The following NTM variants were observed in gnomAD, a reference collection of about 807,000 sequenced individuals.
NTM encodes IgLON family member 2.
A neutral mutation model predicts 42.1 loss-of-function variants in NTM; 13 were observed. The ratio of observed to expected loss-of-function variants is 0.31; its 90% confidence interval spans 0.20 to 0.49. The LOEUF is 0.49. NTM is among the 20% of genes least tolerant of loss of function. The pLI, the probability that NTM is intolerant of heterozygous loss-of-function variation, is 0.99. For synonymous variants in NTM, 187 were observed against 179.2 expected (o/e 1.04, Z -0.35); for missense variants, 373 against 452.8 (o/e 0.82, Z 1.60).
At chr11:131,711,173 T>G (rs1456785762) in intron 1 of NTM, among the ~76,000 whole-genome samples, 2 of 152,118 alleles carry the variant, frequency 1.3e-5, no homozygotes, top group Non-Finnish European at 2.9e-5. Context: ...CAAAAGAAAC[T>G]ACCATCAGAG....
intron 4 of NTM, among the ~76,000 whole-genome samples, chr11:132,288,525 C>T (rs749360160): frequency 1.6e-4 from 24 of 152,330 alleles, no homozygotes; most frequent in Admixed American, 3.9e-4. Context: ...TTGAACTGAA[C>T]GGAATACACA....
At chr11:131,581,230 C>T (rs2058381625) in intron 1 of NTM, among the ~76,000 whole-genome samples, 1 of 152,238 alleles carries the variant, frequency 6.6e-6, no homozygotes, top group African/African-American at 2.4e-5. Context: ...GTCTTCCTGG[C>T]TCCTGACTAG....
intron 4 of NTM, among the ~76,000 whole-genome samples, chr11:132,280,061 C>G (rs1228927776): frequency 6.6e-6 from 1 of 152,198 alleles, no homozygotes; most frequent in Non-Finnish European, 1.5e-5. Context: ...TTCAGAACAT[C>G]AGCGTTGAAT....
intron 2 of NTM, among the ~76,000 whole-genome samples, chr11:131,969,578 C>T (rs1295627849): frequency 6.6e-6 from 1 of 152,136 alleles, no homozygotes; most frequent in African/African-American, 2.4e-5. Context: ...GGATTAGCCA[C>T]ATAATAGATG....
rs1565465186 is a variant in NTM, at chr11:131,401,812, A to ATATATATATATATATGTG, written c.82+30939_82+30940insGTGTATATATATATATAT. On this transcript the variant is annotated intron_variant, in intron 1 of 8. Coordinates refer to ENST00000683400, the MANE Select transcript of NTM (RefSeq NM_001352005.2). ...CAGGCCACTGGAAATATATATATAT[A>ATATATATATATATATGTG]TATATATATATATATATATATATAT... Among the ~76,000 whole-genome samples, 183 of 21,608 alleles carry ATATATATATATATATGTG rather than the reference A, an allele frequency of 8.5e-3. 21 individuals carry two copies. Among genetic ancestry groups the ATATATATATATATATGTG allele is most frequent in the Middle Eastern group, 0.017 (1 of 60 alleles). The allele number at this position is 21,608 out of a possible 152,430, so 14.2% of individuals were successfully genotyped here.
Position 132,146,835 on chromosome 11 carries a change from T to C in NTM, c.400+321T>C, listed in dbSNP as rs1229320517. The C allele has an allele frequency of 1.1e-5, 4 of 349,986 alleles. 1 individual carries two copies. Among genetic ancestry groups the C allele is most frequent in the African/African-American group, 6.4e-5 (3 of 47,144 alleles). The allele number at this position is 349,986 out of a possible 1,614,324, so 21.7% of individuals were successfully genotyped here. On this transcript the variant is annotated intron_variant, in intron 3 of 8. Coordinates refer to ENST00000683400, the MANE Select transcript of NTM (RefSeq NM_001352005.2). This position sits in a 1 kb window ranked among gnomAD's most constrained non-coding sequence, Gnocchi z 4.5. Reference sequence around the variant, plus strand: ...TTGTTTGTTTGTTTTTTGTTTTGTTTTGTTTTGTTTTTTAGATTTCATCCA... The same window carrying C: ...TTGTTTGTTTGTTTTTTGTTTTGTTCTGTTTTGTTTTTTAGATTTCATCCA...
At chr11:132,190,722 G>A (rs2079167732) in intron 3 of NTM, among the ~76,000 whole-genome samples, 1 of 142,670 alleles carries the variant, frequency 7.0e-6, no homozygotes. Flanking sequence ...GGGTGACAGA[G>A]TGAGAATCCA....
chr11:131,965,186 A>G (rs922873408), intron 2 of NTM, among the ~76,000 whole-genome samples: 6 of 152,162 alleles, frequency 3.9e-5, no homozygotes, highest in Non-Finnish European at 8.8e-5. Flanking sequence ...ACAGAGGAGA[A>G]AGAGTATCAG....
rs142550827 is a variant in NTM at position 132,232,206 on chromosome 11, C to CGAGGA, written c.526+20060_526+20064dup. Among the ~76,000 whole-genome samples, 1,493 of 152,198 alleles carry CGAGGA rather than the reference C, an allele frequency of 9.8e-3. 18 individuals carry two copies. Among genetic ancestry groups the CGAGGA allele is most frequent in the African/African-American group, 0.034 (1,396 of 41,516 alleles). ...TATTGACTATAAACTTCCCACTGTG[C>CGAGGA]GAGGAAAGGAAAGGAGGTGCTTGCC... On this transcript the variant is annotated intron_variant, in intron 4 of 8. Coordinates refer to ENST00000683400, the MANE Select transcript of NTM (RefSeq NM_001352005.2).
At chr11:132,274,584 T>C (rs2093633263) in intron 4 of NTM, among the ~76,000 whole-genome samples, 1 of 152,164 alleles carries the variant, frequency 6.6e-6, no homozygotes, top group Admixed American at 6.5e-5. Context: ...TTCTCGATTA[T>C]TTTTCTGTTA....
chr11:131,849,902 C>T (rs187409080), intron 1 of NTM, among the ~76,000 whole-genome samples: 50 of 151,570 alleles, frequency 3.3e-4, no homozygotes, highest in African/African-American at 1.2e-3. Flanking sequence ...AGCACACCAA[C>T]ATGGCACATG....
intron 1 of NTM, among the ~76,000 whole-genome samples, chr11:131,549,078 A>C (rs2054309514): frequency 6.6e-6 from 1 of 152,114 alleles, no homozygotes; most frequent in South Asian, 2.1e-4. Flanking sequence ...CCTCATCTCC[A>C]CCATTTACTA....
intron 1 of NTM, among the ~76,000 whole-genome samples, chr11:131,653,823 A>T (rs1157341501): frequency 6.6e-6 from 1 of 152,152 alleles, no homozygotes; most frequent in African/African-American, 2.4e-5. Flanking sequence ...ACCAGGATAC[A>T]TTGGTGATAA....
chr11:131,762,712 T>G (rs911683245), intron 1 of NTM, among the ~76,000 whole-genome samples: 16 of 152,190 alleles, frequency 1.1e-4, no homozygotes, highest in Non-Finnish European at 2.1e-4. Flanking sequence ...TTCTCCCCAA[T>G]AGACTGCTCC....
intron 1 of NTM, among the ~76,000 whole-genome samples, chr11:131,813,001 A>G (rs544871798): frequency 3.9e-5 from 6 of 152,242 alleles, no homozygotes; most frequent in Admixed American, 2.6e-4. Context: ...TTTTATGACA[A>G]CGTTTCAGTT....
intron 1 of NTM, among the ~76,000 whole-genome samples, chr11:131,701,553 C>G (rs1281714689): frequency 6.6e-6 from 1 of 152,210 alleles, no homozygotes; most frequent in Non-Finnish European, 1.5e-5. Flanking sequence ...AGGATTCTGC[C>G]TCTGCCATCC....
intron 4 of NTM, among the ~76,000 whole-genome samples, chr11:132,290,560 A>T (rs1185363497): frequency 6.6e-6 from 1 of 152,232 alleles, no homozygotes; most frequent in Non-Finnish European, 1.5e-5. Flanking sequence ...TTATAAATTT[A>T]TTGAGAGTGA....
chr11:131,928,610 T>C (rs2058224387), intron 2 of NTM, among the ~76,000 whole-genome samples: 1 of 150,566 alleles, frequency 6.6e-6, no homozygotes, highest in South Asian at 2.2e-4. Context: ...GTTTGTTTTC[T>C]GTGGTCTCCC....
At chr11:131,439,621 C>T (rs187401719) in intron 1 of NTM, among the ~76,000 whole-genome samples, 21 of 152,330 alleles carry the variant, frequency 1.4e-4, no homozygotes, top group East Asian at 1.2e-3. Context: ...TAGTCATGCA[C>T]GGGATATAAT....
Sources: allele counts gnomAD v4.1 joint callset (sites outside exome capture counted in the v4.1 genomes callset), GRCh38; gene constraint gnomAD v4.1.1; non-coding constraint Gnocchi (gnomAD v3.1); transcripts MANE v1.5; gene names NCBI Gene and HGNC (gene_info 2026-07-23, HGNC 2026-07-21).